Variants in CACNA1C observed in about 807,000 individuals in gnomAD.
CACNA1C encodes voltage-dependent L-type calcium channel subunit alpha-1C.
Under a neutral mutation model 229.0 loss-of-function variants are expected in CACNA1C, and 30 were observed. That is an observed-to-expected ratio of 0.13 (90% CI 0.10 to 0.18). The LOEUF is 0.18. Among genes scored for constraint, CACNA1C ranks in the 10% least tolerant of loss-of-function variants. The probability of loss-of-function intolerance (pLI) is 1.00; values close to 1 mark genes in which losing one functional copy is unlikely to be tolerated. For missense variants in CACNA1C, 1,658 were observed against 2,845.0 expected, an observed-to-expected ratio of 0.58 and a Z score of 9.49; for synonymous variants, 1,114 against 1,132.5, an observed-to-expected ratio of 0.98 and a Z score of 0.33.
chr12:2,106,819 C>T lies in CACNA1C; in HGVS notation c.50-8405C>T, dbSNP rs531005634. Among the ~76,000 whole-genome samples the T allele has an allele frequency of 9.4e-3, 1,162 of 123,636 alleles. 30 individuals carry two copies. Among genetic ancestry groups the T allele is most frequent in the Middle Eastern group, 0.017 (3 of 180 alleles). 81.1% of individuals were successfully genotyped at this position (123,636 alleles called of 152,430 possible). A position where few individuals can be genotyped will look rare whatever the true frequency, so the allele number is the denominator to read the frequency against. On this transcript the variant is annotated intron_variant, in intron 1 of 46. Transcript: ENST00000399655. ...TGGGTGCTCACCCCGGGGAGGGTTT[C>T]CACCTCAGCTGGGCGTCCTGAAGCC...
intron 13 of CACNA1C, among the ~76,000 whole-genome samples, chr12:2,576,651 G>T (rs2058493394): frequency 6.6e-6 from 1 of 152,092 alleles, no homozygotes; most frequent in African/African-American, 2.4e-5. Context: ...AGGATAGGAG[G>T]CCATCATCCA....
intron 1 of CACNA1C, among the ~76,000 whole-genome samples, chr12:2,104,352 C>A (rs2077432607): frequency 6.6e-6 from 1 of 152,118 alleles, no homozygotes; most frequent in Non-Finnish European, 1.5e-5. Flanking sequence ...AATGGGAGTT[C>A]ACTCATGATT....
At chr12:2,051,523 G>C (rs1204039864), upstream of CACNA1C, among the ~76,000 whole-genome samples, 1 of 152,188 alleles carries the variant, frequency 6.6e-6, no homozygotes, top group Non-Finnish European at 1.5e-5. Context: ...GGTAGACCAG[G>C]GGGATCAGCC....
chr12:2,394,604 G>A (rs2098540657), intron 3 of CACNA1C, among the ~76,000 whole-genome samples: 1 of 152,174 alleles, frequency 6.6e-6, no homozygotes, highest in African/African-American at 2.4e-5. Flanking sequence ...ATGGGGTTCT[G>A]GAAGGCCTCC....
intron 3 of CACNA1C, among the ~76,000 whole-genome samples, chr12:2,268,155 T>G (rs1169497052): frequency 6.6e-6 from 1 of 152,154 alleles, no homozygotes; most frequent in Admixed American, 6.5e-5. Flanking sequence ...TCCAAACATT[T>G]TCACTTCAGG....
At chr12:1,970,916 G>T in exon 1 of CACNA1C, 1 of 329,814 alleles carries the variant, frequency 3.0e-6, no homozygotes. Flanking sequence ...AACTTGCAGC[G>T]ATACGATACG....
chr12:2,638,450 C>A lies in CACNA1C; in HGVS notation c.3912+4070C>A, dbSNP rs77851266. 7.6e-4 allele frequency among the ~76,000 whole-genome samples: 115 copies of A among 152,096 alleles called. 1 individual carries two copies. In the East Asian group the frequency reaches 0.018, roughly 24 times the overall value. The stretch of plus-strand genomic sequence containing the variant: ...GCAGAGGGGTAACTAACAGGTTCCA[C>A]TTTTGGGCTTTTACTCTGAGCAAGA... On this transcript the variant is annotated intron_variant, in intron 30 of 46. Coordinates refer to ENST00000399655, the MANE Select transcript of CACNA1C (RefSeq NM_000719.7).
At chr12:2,349,086 G>T (rs1006442267) in intron 3 of CACNA1C, among the ~76,000 whole-genome samples, 6 of 152,178 alleles carry the variant, frequency 3.9e-5, no homozygotes, top group African/African-American at 1.4e-4. Flanking sequence ...TCTATAACAT[G>T]GGGAAACTGA....
At chr12:2,164,209 A>T (rs1597804867) in intron 3 of CACNA1C, among the ~76,000 whole-genome samples, 1 of 152,308 alleles carries the variant, frequency 6.6e-6, no homozygotes, top group East Asian at 1.9e-4. Context: ...CTTCATGGAC[A>T]ATAATCCTGA....
intron 5 of CACNA1C, among the ~76,000 whole-genome samples, chr12:2,461,199 C>T (rs143071317): frequency 1.3e-3 from 203 of 152,300 alleles, no homozygotes; most frequent in South Asian, 6.4e-3. Flanking sequence ...CAGTGATCAC[C>T]GTTACCGCAC....
intron 3 of CACNA1C, among the ~76,000 whole-genome samples, chr12:2,406,624 T>A (rs942465879): frequency 2.0e-5 from 3 of 152,238 alleles, no homozygotes; most frequent in African/African-American, 7.2e-5. Context: ...TGTCTTCCAT[T>A]TTTTTACTGA....
intron 1 of CACNA1C, among the ~76,000 whole-genome samples, chr12:2,023,418 CTG>C (rs1481310189): frequency 1.3e-5 from 2 of 152,164 alleles, no homozygotes; most frequent in South Asian, 2.1e-4. Context: ...TCCTCAGACA[CTG>C]TGTCTCCTGT....
chr12:1,995,796 T>C (rs1325410731), intron 1 of CACNA1C, among the ~76,000 whole-genome samples: 1 of 152,212 alleles, frequency 6.6e-6, no homozygotes, highest in Non-Finnish European at 1.5e-5. Context: ...TTCCTCTTTA[T>C]ACTCACTCCT....
chr12:2,608,386 G>A lies in CACNA1C; in HGVS notation c.3357-125G>A. ...ACACAGCCAGTAAGAGGCCGAGCTG[G>A]GACTCCAGCCCAGAGCTGTCTCCTG... On this transcript the variant is annotated intron_variant, in intron 26 of 46. Transcript: ENST00000399655. This position sits in a 1 kb window ranked among gnomAD's most constrained non-coding sequence, Gnocchi z 4.2. 1 of 651,298 alleles carries A rather than the reference G, an allele frequency of 1.5e-6. No homozygotes were observed. Among genetic ancestry groups the A allele is most frequent in the Non-Finnish European group, 2.6e-6 (1 of 389,868 alleles). The allele number at this position is 651,298 out of a possible 1,614,324, so 40.3% of individuals were successfully genotyped here.
intron 3 of CACNA1C, among the ~76,000 whole-genome samples, chr12:2,235,460 C>G (rs1260702099): frequency 6.6e-6 from 1 of 152,098 alleles, no homozygotes; most frequent in Non-Finnish European, 1.5e-5. Flanking sequence ...TTTTTTTCAC[C>G]CAGAAAATCA....
intron 3 of CACNA1C, among the ~76,000 whole-genome samples, chr12:2,165,486 T>C (rs1566086764): frequency 6.6e-6 from 1 of 152,324 alleles, no homozygotes; most frequent in South Asian, 2.1e-4. Flanking sequence ...AGAAAGACTT[T>C]GGGTCTGAAT....
At chr12:1,973,917 T>C (rs2033405385) in intron 1 of CACNA1C, among the ~76,000 whole-genome samples, 1 of 152,214 alleles carries the variant, frequency 6.6e-6, no homozygotes, top group African/African-American at 2.4e-5. Context: ...TTCTCTCTAC[T>C]CGTCCTTGAA....
At chr12:2,672,265 G>T (rs2096601420) in intron 38 of CACNA1C, 2 of 152,266 alleles carry the variant, frequency 1.3e-5, no homozygotes, top group South Asian at 4.1e-4. Context: ...ATAAAAGGAA[G>T]ATAGTGAAAA....
intron 3 of CACNA1C, among the ~76,000 whole-genome samples, chr12:2,357,933 T>TG (rs1258879477): frequency 1.3e-5 from 2 of 148,392 alleles, no homozygotes; most frequent in East Asian, 3.9e-4. Flanking sequence ...ATCATGCCAT[T>TG]GCTCTCCAGC....
Sources: allele counts gnomAD v4.1 joint callset (sites outside exome capture counted in the v4.1 genomes callset), GRCh38; gene constraint gnomAD v4.1.1; non-coding constraint Gnocchi (gnomAD v3.1); transcripts MANE v1.5; gene names NCBI Gene and HGNC (gene_info 2026-07-23, HGNC 2026-07-21).